The following PDE1C variants were observed in gnomAD, a reference collection of about 807,000 sequenced individuals.
The protein encoded by PDE1C is phosphodiesterase 1C, also known as dual specificity calcium/calmodulin-dependent 3',5'-cyclic nucleotide phosphodiesterase 1C.
A neutral mutation model predicts 93.1 loss-of-function variants in PDE1C; 62 were observed. The observed-to-expected ratio is 0.67, with a 90% confidence interval of 0.54 to 0.82. The LOEUF (loss-of-function observed/expected upper bound fraction) is 0.82, where lower values mean the gene tolerates loss of function less well. Among genes scored for constraint, PDE1C ranks in the 40% least tolerant of loss-of-function variants. PDE1C has a pLI of 0.00. For synonymous variants in PDE1C, 325 were observed against 310.1 expected (o/e 1.05, Z -0.50); for missense variants, 742 against 884.6 (o/e 0.84, Z 2.04).
chr7:31,700,933 C>A, the PDE1C span, among the ~76,000 whole-genome samples: 1 of 152,174 alleles, frequency 6.6e-6, no homozygotes, highest in Non-Finnish European at 1.5e-5. Flanking sequence ...ATTATTACTG[C>A]TCATTAACAA....
At chr7:32,354,765 T>C (rs1157079393) in intron 1 of PDE1C, among the ~76,000 whole-genome samples, 1 of 152,206 alleles carries the variant, frequency 6.6e-6, no homozygotes, top group Non-Finnish European at 1.5e-5. Flanking sequence ...TCCTCATTTG[T>C]GCAGAAGCCT....
chr7:31,961,545 C>T (rs1808971015), intron 2 of PDE1C, among the ~76,000 whole-genome samples: 1 of 152,048 alleles, frequency 6.6e-6, no homozygotes, highest in South Asian at 2.1e-4. Context: ...TCCCATTTGA[C>T]AGATAAGAAC....
At chr7:31,749,726 T>C (rs1291290078), downstream of PDE1C, among the ~76,000 whole-genome samples, 1 of 141,840 alleles carries the variant, frequency 7.1e-6, no homozygotes, top group Non-Finnish European at 1.5e-5. Flanking sequence ...TTGTGGTCGC[T>C]GTTGTCTAAT....
intron 3 of PDE1C, among the ~76,000 whole-genome samples, chr7:32,167,210 T>G (rs997061635): frequency 6.6e-6 from 1 of 152,226 alleles, no homozygotes; most frequent in African/African-American, 2.4e-5. Flanking sequence ...TGAAAAGAAC[T>G]ACTTAAATGA....
At chr7:31,694,853 G>A in the PDE1C span, among the ~76,000 whole-genome samples, 1 of 152,154 alleles carries the variant, frequency 6.6e-6, no homozygotes, top group African/African-American at 2.4e-5. Flanking sequence ...GTAATGCAGA[G>A]GATTGAGAAA....
intron 2 of PDE1C, among the ~76,000 whole-genome samples, chr7:31,918,642 T>A (rs914678683): frequency 2.0e-5 from 3 of 152,248 alleles, no homozygotes; most frequent in African/African-American, 7.2e-5. Context: ...TTTCTGCTTT[T>A]ATAGTCTGCT....
chr7:31,656,401 C>A, the PDE1C span: 1 of 476,158 alleles, frequency 2.1e-6, no homozygotes, highest in South Asian at 9.0e-5. Flanking sequence ...ACCATGAATC[C>A]TGTGCAGTGT....
chr7:32,031,827 G>A (rs951844159), intron 2 of PDE1C, among the ~76,000 whole-genome samples: 4 of 152,172 alleles, frequency 2.6e-5, no homozygotes, highest in African/African-American at 9.7e-5. Context: ...ACAGTGGGGA[G>A]CCTGGAAGTG....
intron 1 of PDE1C, among the ~76,000 whole-genome samples, chr7:32,239,155 T>C (rs995448602): frequency 6.6e-6 from 1 of 152,092 alleles, no homozygotes; most frequent in Non-Finnish European, 1.5e-5. Context: ...TGTGCTCAGC[T>C]CAGGAGTTGA....
chr7:31,970,562 T>A (rs1810805245), intron 2 of PDE1C, among the ~76,000 whole-genome samples: 1 of 152,248 alleles, frequency 6.6e-6, no homozygotes, highest in Non-Finnish European at 1.5e-5. Flanking sequence ...AAGAATTTAT[T>A]GTAGTTTCAC....
At chr7:32,040,095 A>G (rs1791612199) in intron 2 of PDE1C, among the ~76,000 whole-genome samples, 1 of 152,202 alleles carries the variant, frequency 6.6e-6, no homozygotes. Context: ...AAATCTTGTC[A>G]GCTACATTTA....
chr7:32,291,401 T>C (rs1812319099), intron 1 of PDE1C, among the ~76,000 whole-genome samples: 1 of 152,258 alleles, frequency 6.6e-6, no homozygotes, highest in Admixed American at 6.5e-5. Context: ...AAAGGTTTCA[T>C]ATCACATCAG....
the PDE1C span, among the ~76,000 whole-genome samples, chr7:31,730,661 T>C: frequency 3.3e-5 from 5 of 152,174 alleles, no homozygotes; most frequent in African/African-American, 1.2e-4. Context: ...GTACTGCAGA[T>C]ATAGAGGTTG....
intron 1 of PDE1C, among the ~76,000 whole-genome samples, chr7:32,396,109 A>G (rs957978691): frequency 1.3e-5 from 2 of 152,214 alleles, no homozygotes; most frequent in Non-Finnish European, 2.9e-5. Context: ...ATAGCTGGAA[A>G]ACCCAAAAGA....
chr7:32,187,152 T>TTC (rs1265724690), intron 2 of PDE1C, among the ~76,000 whole-genome samples: 1 of 151,938 alleles, frequency 6.6e-6, no homozygotes, highest in African/African-American at 2.4e-5. Flanking sequence ...CTCTTTCTCT[T>TTC]TCTCTCTCTC....
intron 1 of PDE1C, among the ~76,000 whole-genome samples, chr7:32,257,286 G>A (rs2128878671): frequency 6.6e-6 from 1 of 152,286 alleles, no homozygotes; most frequent in African/African-American, 2.4e-5. Flanking sequence ...AATTGCCCTG[G>A]CTTCCTGCGT....
chr7:31,667,127 A>G, the PDE1C span, among the ~76,000 whole-genome samples: 2 of 152,134 alleles, frequency 1.3e-5, no homozygotes, highest in Admixed American at 6.5e-5. Context: ...AGGTGACAGA[A>G]GATGGGGGCA....
chr7:31,658,489 G>GC, the PDE1C span: 1 of 1,088,400 alleles, frequency 9.2e-7, no homozygotes, highest in Non-Finnish European at 1.2e-6. Context: ...TCAAAGTGGT[G>GC]CCCCTTTGAG....
At chr7:31,641,058 T>C in the PDE1C span, among the ~76,000 whole-genome samples, 5 of 152,150 alleles carry the variant, frequency 3.3e-5, no homozygotes, top group Admixed American at 6.5e-5. Context: ...TGTCTCCACT[T>C]GCTGTCTTTG....
Sources: allele counts gnomAD v4.1 joint callset (sites outside exome capture counted in the v4.1 genomes callset), GRCh38; gene constraint gnomAD v4.1.1; transcripts MANE v1.5; gene names NCBI Gene and HGNC (gene_info 2026-07-23, HGNC 2026-07-21).